The following SACM1L variants were observed in gnomAD, a reference collection of about 807,000 sequenced individuals.
SACM1L encodes the protein SAC1 like phosphatidylinositide phosphatase, also known as phosphatidylinositol-3-phosphatase SAC1.
In SACM1L, 32 loss-of-function variants were observed where a neutral mutation model predicts 89.5. The observed-to-expected ratio is 0.36, with a 90% CI of 0.27 to 0.48. SACM1L has a LOEUF of 0.48. Among genes scored for constraint, SACM1L ranks in the 20% least tolerant of loss-of-function variants. The pLI is 0.99. For missense variants in SACM1L, 543 were observed against 708.5 expected, an observed-to-expected ratio of 0.77 and a Z score of 2.65; for synonymous variants, 213 against 232.8, an observed-to-expected ratio of 0.92 and a Z score of 0.77.
chr3:45,734,449 ATTTAAAAAAAATTTTTTTT>A (rs1382950362), intron 13 of SACM1L: 3 of 151,874 alleles, frequency 2.0e-5, no homozygotes, highest in African/African-American at 7.3e-5. Flanking sequence ...ATTTTTAAGT[ATTTAAAAAAAATTTTTTTT>A]AATTTAGATA....
rs1699275125 is a variant in SACM1L at position 45,739,659 on chromosome 3, C to T, written c.1627+15C>T. The T allele has an allele frequency of 2.5e-6, 4 of 1,612,412 alleles. No individual in the cohort carries two copies. Among genetic ancestry groups the T allele is most frequent in the Non-Finnish European group, 3.4e-6 (4 of 1,178,578 alleles). ...GCTTATGGCTGGTAAGTCTGCTCCACACATTTGTTTCTTAGTTAGAATGTT... is the reference window on the plus strand; with the variant it reads ...GCTTATGGCTGGTAAGTCTGCTCCATACATTTGTTTCTTAGTTAGAATGTT... On this transcript the variant is annotated intron_variant, in intron 19 of 19. Coordinates refer to ENST00000389061, the MANE Select transcript of SACM1L (RefSeq NM_014016.5).
At chr3:45,714,818 A>C (rs2742386) in intron 7 of SACM1L, among the ~76,000 whole-genome samples, 73,682 of 152,042 alleles carry the variant, frequency 0.48, 18,454 homozygotes, top group Middle Eastern at 0.57. Flanking sequence ...AAAGCAGCCA[A>C]GTGAGCTGGC....
In SACM1L at chr3:45,689,490, C is replaced by T. The variant is rs148929521; in HGVS notation, c.25C>T (p.Leu9=). 1.2e-3 allele frequency: 1,964 copies of T among 1,580,496 alleles called. 2 individuals carry two copies. The highest frequency in any genetic ancestry group is 1.8e-3 in the Admixed American group (98 of 54,038). The change falls in exon 1 of 20, where the codon CTG becomes TTG. Residue 9 remains leucine (L), a synonymous_variant. Transcript: ENST00000389061. ...GATGGCGACGGCGGCCTACGAGCAGCTGAAGCTGTGAGTCCCACGGGCCAG... is the reference window on the plus strand; with the variant it reads ...GATGGCGACGGCGGCCTACGAGCAGTTGAAGCTGTGAGTCCCACGGGCCAG... MATAAYEQ[L]KLHITPEKFY...
At position 45,719,552 on chromosome 3, in the gene SACM1L, C is replaced by G; in HGVS notation, c.630C>G (p.Leu210=). 6.2e-7 allele frequency: 1 copy of G among 1,612,504 alleles called. No homozygotes were observed. The highest frequency in any genetic ancestry group is 8.5e-7 in the Non-Finnish European group (1 of 1,179,248). Residue 210 remains leucine, a synonymous_variant, in exon 8 of 20, where the codon CTC becomes CTG. Transcript: ENST00000389061. ...SINGKYFDWI[L]ISRRSCFRAG... is the part of the protein sequence containing the mutation. ...ATGGAAAATACTTTGATTGGATTCT[C>G]ATCTCGAGGAGGAGCTGTTTCAGAG...
chr3:45,722,461 G>T (rs150409552), intron 9 of SACM1L, among the ~76,000 whole-genome samples: 1 of 152,178 alleles, frequency 6.6e-6, no homozygotes, highest in African/African-American at 2.4e-5. Flanking sequence ...TTATGGAGTT[G>T]TACACCACTT....
intron 1 of SACM1L, among the ~76,000 whole-genome samples, chr3:45,691,670 A>G (rs1487826225): frequency 1.3e-5 from 2 of 151,726 alleles, no homozygotes; most frequent in Non-Finnish European, 2.9e-5. Context: ...GCTGGAGTAC[A>G]GTGGTTTGAT....
chr3:45,722,727 C>T, intron 9 of SACM1L, 142 bp from the exon 10 acceptor site: 1 of 566,292 alleles, frequency 1.8e-6, no homozygotes, highest in Non-Finnish European at 3.1e-6. Context: ...GGAGCAGATA[C>T]ACGTGGACTT....
chr3:45,705,933 G>A (rs533602851), intron 3 of SACM1L, among the ~76,000 whole-genome samples: 1 of 152,308 alleles, frequency 6.6e-6, no homozygotes, highest in East Asian at 1.9e-4. Flanking sequence ...TTTTTGTTTA[G>A]ATTTAATTTG....
chr3:45,743,591 A>G lies in SACM1L; in HGVS notation c.1686A>G (p.Gly562=). Residue 562 remains glycine (G), a synonymous_variant, in exon 20 of 20, where the codon GGA becomes GGG. Coordinates refer to ENST00000389061, the MANE Select transcript of SACM1L (RefSeq NM_014016.5). ...YVLFWGVASI[G]TFFIILYNGK... The stretch of plus-strand genomic sequence containing the variant: ...TCTTCTGGGGAGTTGCAAGCATTGG[A>G]ACATTTTTTATCATTCTTTACAATG... 1 of 1,614,146 alleles carries G rather than the reference A, an allele frequency of 6.2e-7. No homozygotes were observed.
At chr3:45,701,559 T>A (rs117947154) in intron 1 of SACM1L, among the ~76,000 whole-genome samples, 4 of 152,242 alleles carry the variant, frequency 2.6e-5, no homozygotes, top group Non-Finnish European at 5.9e-5. Flanking sequence ...CGAATTTCTT[T>A]ATATTTCTTT....
chr3:45,722,187 T>C, intron 9 of SACM1L, 102 bp downstream of exon 9: 1 of 719,034 alleles, frequency 1.4e-6, no homozygotes, highest in Non-Finnish European at 2.3e-6. Flanking sequence ...TTCTCTGTTC[T>C]TATGTAATAT....
chr3:45,740,487 G>A (rs1699290668), intron 19 of SACM1L, among the ~76,000 whole-genome samples: 1 of 152,132 alleles, frequency 6.6e-6, no homozygotes, highest in Non-Finnish European at 1.5e-5. Flanking sequence ...GTCTACTTAG[G>A]AACAAAAGGA....
chr3:45,700,553 A>G (rs1199282159), intron 1 of SACM1L, among the ~76,000 whole-genome samples: 5 of 152,220 alleles, frequency 3.3e-5, no homozygotes, highest in Non-Finnish European at 7.3e-5. Context: ...TTCTGAAACC[A>G]TTTAGTAAAA....
intron 10 of SACM1L, 95 bp from the exon 11 acceptor site, chr3:45,723,378 ATT>A (rs1418826320): frequency 2.4e-6 from 1 of 411,968 alleles, no homozygotes; most frequent in African/African-American, 2.1e-5. Flanking sequence ...GAAATAAGAC[ATT>A]TAAGGAGGTC....
chr3:45,697,393 C>T (rs1429815199), intron 1 of SACM1L, among the ~76,000 whole-genome samples: 1 of 150,484 alleles, frequency 6.6e-6, no homozygotes, highest in Admixed American at 6.6e-5. Context: ...CCTCCGACCT[C>T]AGCCTCCTGA....
At chr3:45,720,078 C>T (rs1431556498) in intron 8 of SACM1L, among the ~76,000 whole-genome samples, 2 of 152,116 alleles carry the variant, frequency 1.3e-5, no homozygotes, top group Non-Finnish European at 2.9e-5. Flanking sequence ...TTAAAGCTTA[C>T]TGTCATTATG....
chr3:45,701,621 A>G (rs2673047), intron 1 of SACM1L, among the ~76,000 whole-genome samples: 73,451 of 151,982 alleles, frequency 0.48, 18,284 homozygotes, highest in Middle Eastern at 0.57. Flanking sequence ...TTGAAGTTTG[A>G]TTGACATACA....
At chr3:45,697,493 T>G (rs1380936869) in intron 1 of SACM1L, among the ~76,000 whole-genome samples, 4 of 152,096 alleles carry the variant, frequency 2.6e-5, no homozygotes, top group African/African-American at 9.6e-5. Context: ...CCCAGGCTGG[T>G]CTCAAACTCC....
intron 1 of SACM1L, among the ~76,000 whole-genome samples, chr3:45,692,881 G>A (rs1427206768): frequency 6.6e-6 from 1 of 152,176 alleles, no homozygotes; most frequent in Non-Finnish European, 1.5e-5. Flanking sequence ...CACTCATTTT[G>A]TCACTTAGAA....
Sources: allele counts gnomAD v4.1 joint callset (sites outside exome capture counted in the v4.1 genomes callset), GRCh38; gene constraint gnomAD v4.1.1; transcripts MANE v1.5; gene names NCBI Gene and HGNC (gene_info 2026-07-23, HGNC 2026-07-21).